The following RUFY4 variants were observed in gnomAD, a reference collection of about 807,000 sequenced individuals.
The protein encoded by RUFY4 is RUN and FYVE domain-containing protein 4.
A neutral mutation model predicts 69.0 loss-of-function variants in RUFY4; 73 were observed. That is an observed-to-expected ratio of 1.06 (90% CI 0.88 to 1.29). The LOEUF (loss-of-function observed/expected upper bound fraction) is 1.29, where lower values mean the gene tolerates loss of function less well. Among genes scored for constraint, RUFY4 ranks in the 50% most tolerant of loss-of-function variants. The pLI is 0.00. For synonymous variants in RUFY4, 287 were observed against 271.8 expected, an observed-to-expected ratio of 1.06 and a Z score of -0.55; for missense variants, 770 against 705.6, an observed-to-expected ratio of 1.09 and a Z score of -1.03.
intron 2 of RUFY4, among the ~76,000 whole-genome samples, chr2:218,044,080 G>A (rs1302865060): frequency 7.2e-5 from 11 of 152,208 alleles, no homozygotes; most frequent in Non-Finnish European, 1.3e-4. Context: ...GCAGGAGCAG[G>A]CCCTTCTGAG....
chr2:218,083,189 C>T lies in RUFY4; in HGVS notation c.1435C>T (p.Gln479Ter). 6.2e-7 allele frequency: 1 copy of T among 1,613,532 alleles called. No individual in the cohort carries two copies. The highest frequency in any genetic ancestry group is 8.5e-7 in the Non-Finnish European group (1 of 1,179,690). ...GGCTGAGAGGAGGGATGCCATGTAC[C>T]AGGAGGAGCTTGGAGGGCAGCGGGA... is the stretch of plus-strand genomic sequence containing the variant. Residue 479 changes from glutamine (Q) to a stop codon, truncating the protein, a stop_gained, in exon 9 of 11, where the codon CAG becomes TAG. Transcript: ENST00000344321. LOFTEE classifies it high-confidence loss of function.
At chr2:218,052,756 G>T in intron 2 of RUFY4, among the ~76,000 whole-genome samples, 1 of 146,410 alleles carries the variant, frequency 6.8e-6, no homozygotes, top group African/African-American at 2.6e-5. Context: ...AAAAAAAAAA[G>T]ATAACGTCTT....
At chr2:218,057,355 T>C (rs1352307737) in intron 2 of RUFY4, among the ~76,000 whole-genome samples, 1 of 152,242 alleles carries the variant, frequency 6.6e-6, no homozygotes, top group Non-Finnish European at 1.5e-5. Context: ...TGATACTTCC[T>C]AGACATTTAT....
At chr2:218,060,873 A>G (rs1317874422) in intron 3 of RUFY4, 3 of 1,350,942 alleles carry the variant, frequency 2.2e-6, no homozygotes, top group African/African-American at 2.9e-5. Context: ...GGTCCTTCGG[A>G]AAAGCAAGAT....
intron 3 of RUFY4, chr2:218,060,462 C>A (rs562042504): frequency 6.4e-4 from 915 of 1,418,916 alleles, no homozygotes; most frequent in Non-Finnish European, 8.8e-4. Context: ...CATGGCAAAA[C>A]TTCTGGCCAA....
intron 2 of RUFY4, 111 bp from the exon 5 acceptor site, chr2:218,072,263 G>A (rs1391148271): frequency 2.3e-6 from 3 of 1,325,506 alleles, no homozygotes; most frequent in African/African-American, 2.9e-5. Flanking sequence ...GATGCCGGGT[G>A]TGTCTGCAGG....
intron 2 of RUFY4, among the ~76,000 whole-genome samples, chr2:218,044,275 C>T (rs558204504): frequency 6.6e-6 from 1 of 152,318 alleles, no homozygotes; most frequent in South Asian, 2.1e-4. Context: ...TGAGCCACTG[C>T]TGCCATCAGT....
At chr2:218,040,736 T>C (rs1959049964) in intron 2 of RUFY4, among the ~76,000 whole-genome samples, 1 of 152,164 alleles carries the variant, frequency 6.6e-6, no homozygotes, top group African/African-American at 2.4e-5. Context: ...ATGCAAATAC[T>C]GGTAGGGACG....
chr2:218,044,047 C>T (rs76120769), intron 2 of RUFY4, among the ~76,000 whole-genome samples: 2,971 of 152,300 alleles, frequency 0.02, 104 homozygotes, highest in African/African-American at 0.068. Flanking sequence ...GAGTGGGCAC[C>T]GGGAGTGGGG....
chr2:218,062,275 G>C (rs984482181), intron 3 of RUFY4, among the ~76,000 whole-genome samples: 1 of 151,474 alleles, frequency 6.6e-6, no homozygotes, highest in Non-Finnish European at 1.5e-5. Context: ...GCATGGTGGC[G>C]GGCACCTGTA....
chr2:218,049,366 T>C (rs967963609), intron 2 of RUFY4, among the ~76,000 whole-genome samples: 2 of 152,162 alleles, frequency 1.3e-5, no homozygotes, highest in African/African-American at 4.8e-5. Context: ...AATATGATAT[T>C]TGAGGTTGAA....
chr2:218,065,134 C>T (rs148937548), upstream of RUFY4, among the ~76,000 whole-genome samples: 270 of 152,262 alleles, frequency 1.8e-3, 1 homozygote, highest in African/African-American at 6.0e-3. Context: ...TCAACGTCCT[C>T]CCACTCCTTC....
intron 3 of RUFY4, chr2:218,061,168 A>G: frequency 2.3e-6 from 1 of 426,048 alleles, no homozygotes; most frequent in South Asian, 1.9e-5. Context: ...GCAGGTAGAC[A>G]TCGGTGACAG....
In RUFY4 at chr2:218,045,538, C is replaced by A. The variant is rs201505138; in HGVS notation, c.-1158+10144C>A. 6.6e-5 allele frequency among the ~76,000 whole-genome samples: 10 copies of A among 152,050 alleles called. No homozygotes were observed. The East Asian group carries it at 1.7e-3, about 26-fold the overall frequency. Reference sequence around the variant, plus strand: ...TCTAGAAAACAATACATTAAAAAAACCAACGTTTTAACAAAAAGTAATAAA... The same window carrying A: ...TCTAGAAAACAATACATTAAAAAAAACAACGTTTTAACAAAAAGTAATAAA... On this transcript the variant is annotated intron_variant and NMD_transcript_variant, in intron 2 of 13. Coordinates refer to the RUFY4 transcript ENST00000457754.
intron 3 of RUFY4, among the ~76,000 whole-genome samples, chr2:218,062,277 G>T (rs1418481498): frequency 6.6e-6 from 1 of 151,608 alleles, no homozygotes; most frequent in East Asian, 1.9e-4. Flanking sequence ...ATGGTGGCGG[G>T]CACCTGTAGT....
At position 218,062,797 on chromosome 2, in the gene RUFY4, C is replaced by T. The variant is rs112560303; in HGVS notation, c.-1071+4116C>T. ...CCCTGATTCTCCCCATGGGTAGAAA[C>T]GTAACAGGTTATTTGGGGAGCTCTG... On this transcript the variant is annotated intron_variant and NMD_transcript_variant, in intron 3 of 13. Transcript: ENST00000457754. 3.1e-3 allele frequency among the ~76,000 whole-genome samples: 470 copies of T among 152,260 alleles called. 7 individuals carry two copies. The South Asian group carries it at 0.046, about 15-fold the overall frequency.
upstream of RUFY4, among the ~76,000 whole-genome samples, chr2:218,067,467 A>T (rs1689367896): frequency 6.6e-6 from 1 of 152,064 alleles, no homozygotes; most frequent in South Asian, 2.1e-4. Context: ...AGGGTATCAC[A>T]CCTCCTCTAG....
At chr2:218,037,135 A>T (rs528399954) in intron 2 of RUFY4, among the ~76,000 whole-genome samples, 1 of 152,204 alleles carries the variant, frequency 6.6e-6, no homozygotes, top group South Asian at 2.1e-4. Flanking sequence ...CCTGACCAAC[A>T]TAGTGAAACC....
At chr2:218,082,589 G>C (rs1574517125) in intron 8 of RUFY4, among the ~76,000 whole-genome samples, 2 of 152,192 alleles carry the variant, frequency 1.3e-5, no homozygotes, top group Non-Finnish European at 2.9e-5. Context: ...ACACTGTGCA[G>C]TTCAGTGTGT....
Sources: gnomAD v4.1 joint callset for allele counts (sites outside exome capture counted in the v4.1 genomes callset) on GRCh38, gnomAD v4.1.1 for gene constraint, MANE v1.5 for transcripts, NCBI Gene and HGNC (gene_info 2026-07-23, HGNC 2026-07-21) for gene names.